Variants in CNTN6 observed in about 807,000 individuals in gnomAD.
CNTN6 encodes the protein contactin 6.
In CNTN6, 137 loss-of-function variants were observed where a neutral mutation model predicts 122.8. That is an observed-to-expected ratio of 1.12 (90% CI 0.97 to 1.29). The LOEUF is 1.29. Among genes scored for constraint, CNTN6 ranks in the 50% most tolerant of loss-of-function variants. The pLI, the probability that CNTN6 is intolerant of heterozygous loss-of-function variation, is 0.00. For missense variants in CNTN6, 1,634 were observed against 1,223.4 expected (o/e 1.34, Z -5.01); for synonymous variants, 570 against 426.0 (o/e 1.34, Z -4.16).
chr3:1,297,925 G>A lies in CNTN6; in HGVS notation c.695G>A (p.Arg232His), dbSNP rs766274114. 2.4e-5 allele frequency: 39 copies of A among 1,612,630 alleles called. No individual in the cohort carries two copies. In the Middle Eastern group the frequency reaches 4.9e-4, roughly 20 times the overall value. ...MGEYEPKIEV[R>H]FPETIQAAKD... ...GAATATGAACCAAAGATTGAAGTGC[G>A]TTTTCCTGAAACTATACAAGCTGCA... The change falls in exon 7 of 23, where the codon CGT becomes CAT. Residue 232 changes from arginine to histidine, a missense_variant. Arg to His is a conservative substitution (Grantham distance 29, BLOSUM62 0). Coordinates refer to ENST00000446702, the MANE Select transcript of CNTN6 (RefSeq NM_001289080.2).
chr3:1,248,069 C>A (rs993694635), intron 4 of CNTN6, among the ~76,000 whole-genome samples: 1 of 152,264 alleles, frequency 6.6e-6, no homozygotes, highest in South Asian at 2.1e-4. Flanking sequence ...GGAAGGCTCA[C>A]AACCTGTAAC....
chr3:1,169,778 T>C (rs1171433510), intron 2 of CNTN6, among the ~76,000 whole-genome samples: 2 of 152,216 alleles, frequency 1.3e-5, no homozygotes, highest in Non-Finnish European at 1.5e-5. Context: ...TGGCTCAGGC[T>C]TTCTATTTTA....
At chr3:1,294,618 G>T (rs1695891490) in intron 5 of CNTN6, among the ~76,000 whole-genome samples, 1 of 152,132 alleles carries the variant, frequency 6.6e-6, no homozygotes, top group Non-Finnish European at 1.5e-5. Context: ...GAGATGGACT[G>T]ATTGATGTTC....
intron 2 of CNTN6, among the ~76,000 whole-genome samples, chr3:1,199,470 A>T (rs1272866682): frequency 6.6e-6 from 1 of 151,970 alleles, no homozygotes; most frequent in Non-Finnish European, 1.5e-5. Flanking sequence ...GTGAGCCACC[A>T]CACCCAGCCA....
intron 16 of CNTN6, among the ~76,000 whole-genome samples, chr3:1,375,592 C>G (rs1382174826): frequency 1.3e-5 from 2 of 152,026 alleles, no homozygotes; most frequent in African/African-American, 4.8e-5. Flanking sequence ...CTAAACTATG[C>G]AAAGATCCTG....
chr3:1,330,386 T>A (rs1702124856), intron 11 of CNTN6, among the ~76,000 whole-genome samples: 1 of 151,748 alleles, frequency 6.6e-6, no homozygotes, highest in South Asian at 2.1e-4. Context: ...GAGGTTCCTG[T>A]AGAGAAAGAA....
At chr3:1,334,699 G>T (rs1423581538) in intron 11 of CNTN6, among the ~76,000 whole-genome samples, 2 of 152,026 alleles carry the variant, frequency 1.3e-5, no homozygotes, top group African/African-American at 4.8e-5. Flanking sequence ...TATCAGCTAG[G>T]CTGTAAGCTC....
chr3:1,109,955 C>T (rs982615661), intron 1 of CNTN6, among the ~76,000 whole-genome samples: 1 of 152,072 alleles, frequency 6.6e-6, no homozygotes, highest in Non-Finnish European at 1.5e-5. Context: ...TGGGTCCCTA[C>T]TGCTGACTCA....
intron 7 of CNTN6, among the ~76,000 whole-genome samples, chr3:1,303,557 C>T (rs1044107663): frequency 3.9e-5 from 6 of 152,092 alleles, no homozygotes; most frequent in Non-Finnish European, 7.4e-5. Context: ...TAAAGCTTGC[C>T]GTTATTTCAG....
intron 7 of CNTN6, among the ~76,000 whole-genome samples, chr3:1,317,671 C>T (rs576134103): frequency 2.6e-5 from 4 of 151,662 alleles, no homozygotes; most frequent in African/African-American, 9.7e-5. Context: ...ATCTCCTCTT[C>T]AAGAGCCATT....
chr3:1,130,762 A>T (rs2092315440), intron 1 of CNTN6, among the ~76,000 whole-genome samples: 1 of 152,156 alleles, frequency 6.6e-6, no homozygotes, highest in Admixed American at 6.6e-5. Context: ...ATTGACATGT[A>T]TGAAAAAATG....
At chr3:1,265,576 T>C (rs2094914403) in intron 4 of CNTN6, among the ~76,000 whole-genome samples, 1 of 152,206 alleles carries the variant, frequency 6.6e-6, no homozygotes, top group Non-Finnish European at 1.5e-5. Flanking sequence ...GGGAGGAGTA[T>C]TGGCAAAAGA....
chr3:1,388,319 C>G (rs558559940), intron 20 of CNTN6, among the ~76,000 whole-genome samples: 1 of 146,258 alleles, frequency 6.8e-6, no homozygotes, highest in Non-Finnish European at 1.5e-5. Context: ...CCTCACACGG[C>G]AGGGTATGCC....
At chr3:1,386,714 A>G (rs1204511274) in intron 20 of CNTN6, among the ~76,000 whole-genome samples, 1 of 152,156 alleles carries the variant, frequency 6.6e-6, no homozygotes, top group Non-Finnish European at 1.5e-5. Context: ...TGCTCTCTGA[A>G]TCCTGATGAA....
At position 1,321,825 on chromosome 3, in the gene CNTN6, A is replaced by G; in HGVS notation, c.937A>G (p.Ile313Val). 1.9e-6 allele frequency: 3 copies of G among 1,601,944 alleles called. No homozygotes were observed. The highest frequency in any genetic ancestry group is 1.1e-5 in the South Asian group (1 of 89,508). The change falls in exon 8 of 23, where the codon ATT becomes GTT. Residue 313 changes from isoleucine to valine, a missense_variant. Ile to Val is a conservative substitution (Grantham distance 29). Coordinates refer to ENST00000446702, the MANE Select transcript of CNTN6 (RefSeq NM_001289080.2). Reference sequence around the variant, plus strand: ...AAGAAACCTTGCAAAGGGTCAACTCATTTTTTATGGTGAGCTAATTGGATT... The same window carrying G: ...AAGAAACCTTGCAAAGGGTCAACTCGTTTTTTATGGTGAGCTAATTGGATT... ...RGRNLAKGQL[I>V]FYAPPEWEQK...
At chr3:1,185,021 C>A (rs919193087) in intron 2 of CNTN6, among the ~76,000 whole-genome samples, 5 of 152,044 alleles carry the variant, frequency 3.3e-5, no homozygotes, top group African/African-American at 1.2e-4. Context: ...ATAAACAGTT[C>A]TAACTACAAG....
At chr3:1,226,123 C>T (rs1240784412) in intron 3 of CNTN6, among the ~76,000 whole-genome samples, 3 of 152,092 alleles carry the variant, frequency 2.0e-5, no homozygotes, top group Non-Finnish European at 4.4e-5. Flanking sequence ...AAGCTATCTG[C>T]CCACCACGGC....
chr3:1,191,983 C>T (rs1439502139), intron 2 of CNTN6, among the ~76,000 whole-genome samples: 1 of 152,122 alleles, frequency 6.6e-6, no homozygotes, highest in Non-Finnish European at 1.5e-5. Context: ...AATAGGTAAG[C>T]AGAGCCTCAT....
rs142970230 is a variant in CNTN6, at chr3:1,379,505, C to A, written c.2166+2430C>A. Among the ~76,000 whole-genome samples, 924 of 152,084 alleles carry A rather than the reference C, an allele frequency of 6.1e-3. 24 individuals carry two copies. Among genetic ancestry groups the A allele is most frequent in the Non-Finnish European group, 4.5e-3 (306 of 68,004 alleles). ...ACCTGGGTGACGGGATCCATCATACCCCAAACCTCAGCATCACACAGTATA... is the reference window on the plus strand; with the variant it reads ...ACCTGGGTGACGGGATCCATCATACACCAAACCTCAGCATCACACAGTATA... On this transcript the variant is annotated intron_variant, in intron 17 of 22. Transcript: ENST00000446702.
Sources: gnomAD v4.1 joint callset for allele counts (sites outside exome capture counted in the v4.1 genomes callset) on GRCh38, gnomAD v4.1.1 for gene constraint, MANE v1.5 for transcripts, NCBI Gene and HGNC (gene_info 2026-07-23, HGNC 2026-07-21) for gene names.